GSDME: variants seen among roughly 807,000 people sequenced by gnomAD.
The protein encoded by GSDME is gasdermin E.
Under a neutral mutation model 47.5 loss-of-function variants are expected in GSDME, and 44 were observed. The ratio of observed to expected loss-of-function variants is 0.93; its 90% confidence interval spans 0.73 to 1.19. The LOEUF is 1.19. Ranked by LOEUF, GSDME falls within the 50% of genes most tolerant of loss-of-function variation. The probability of loss-of-function intolerance (pLI) is 0.00; values close to 1 mark genes in which losing one functional copy is unlikely to be tolerated. For missense variants in GSDME, 663 were observed against 604.2 expected, an observed-to-expected ratio of 1.10 and a Z score of -1.02; for synonymous variants, 258 against 252.8, an observed-to-expected ratio of 1.02 and a Z score of -0.20.
the GSDME span, among the ~76,000 whole-genome samples, chr7:24,782,203 C>A: frequency 6.7e-6 from 1 of 149,532 alleles, no homozygotes; most frequent in African/African-American, 2.5e-5. Context: ...TCTCCTAATG[C>A]TATCCCTCCC....
the GSDME span, among the ~76,000 whole-genome samples, chr7:24,778,538 T>C: frequency 6.6e-6 from 1 of 152,134 alleles, no homozygotes; most frequent in Non-Finnish European, 1.5e-5. This position sits in a 1 kb window ranked among gnomAD's most constrained non-coding sequence, Gnocchi z 5.6. Context: ...TTCCCAATAC[T>C]AGAATTGGGA....
the GSDME span, among the ~76,000 whole-genome samples, chr7:24,786,960 A>G: frequency 6.6e-6 from 1 of 152,098 alleles, no homozygotes; most frequent in African/African-American, 2.4e-5. This position sits in a 1 kb window ranked among gnomAD's most constrained non-coding sequence, Gnocchi z 5.5. Flanking sequence ...TTGTATTTGG[A>G]TGTGGTGGGG....
At position 24,732,574 on chromosome 7, in the gene GSDME, C is replaced by G. The variant is rs1171727483; in HGVS notation, c.404+11988G>C. Among the ~76,000 whole-genome samples, 4 of 152,186 alleles carry G rather than the reference C, an allele frequency of 2.6e-5. No individual in the cohort carries two copies. The highest frequency in any genetic ancestry group is 5.9e-5 in the Non-Finnish European group (4 of 68,020). On this transcript the variant is annotated intron_variant, in intron 3 of 9. Coordinates refer to ENST00000645220, the MANE Select transcript of GSDME (RefSeq NM_001127453.2). This position sits in a 1 kb window ranked among gnomAD's most constrained non-coding sequence, Gnocchi z 4.8. ...CTTGAATTGCCAACACCACCCCTCC[C>G]CTATCTCTGGGCAGCAGCCATGTGG...
chr7:24,701,106 CAAGAA>C (rs1788849636), intron 9 of GSDME, among the ~76,000 whole-genome samples: 1 of 152,194 alleles, frequency 6.6e-6, no homozygotes, highest in Non-Finnish European at 1.5e-5. Flanking sequence ...GGCTACTAGA[CAAGAA>C]AAGACAGGGC....
rs1028750894 is a variant in GSDME at position 24,754,453 on chromosome 7, C to G, written c.-20+2943G>C. On this transcript the variant is annotated intron_variant, in intron 1 of 9. Transcript: ENST00000645220. The surrounding 1 kb of genome is among the most constrained non-coding windows in gnomAD (Gnocchi z 5.0). Reference sequence around the variant, plus strand: ...TGAGCCAAGATCCTGCCATTGCACTCCAGCCTGGGCAACAAGAGCGAAACT... The same window carrying G: ...TGAGCCAAGATCCTGCCATTGCACTGCAGCCTGGGCAACAAGAGCGAAACT... Among the ~76,000 whole-genome samples, 1 of 151,098 alleles carries G rather than the reference C, an allele frequency of 6.6e-6. No individual in the cohort carries two copies. The highest frequency in any genetic ancestry group is 6.6e-5 in the Admixed American group (1 of 15,198).
At chr7:24,717,071 C>T (rs1789586526) in intron 5 of GSDME, 183 bp downstream of exon 5, 1 of 679,714 alleles carries the variant, frequency 1.5e-6, no homozygotes, top group African/African-American at 1.8e-5. Flanking sequence ...TCACCACACC[C>T]CTCCCCCAGT....
chr7:24,718,956 C>CTT (rs2128053533), intron 4 of GSDME, 91 bp downstream of exon 4: 2 of 1,416,286 alleles, frequency 1.4e-6, no homozygotes, highest in Admixed American at 1.7e-5. Context: ...GGAAAGAGTC[C>CTT]TGACTAATGA....
the GSDME span, among the ~76,000 whole-genome samples, chr7:24,795,102 G>A: frequency 6.6e-6 from 1 of 152,222 alleles, no homozygotes; most frequent in Non-Finnish European, 1.5e-5. Context: ...TGTTCCAGAT[G>A]TCTGGACTCC....
At chr7:24,769,395 G>A in the GSDME span, among the ~76,000 whole-genome samples, 4 of 152,172 alleles carry the variant, frequency 2.6e-5, no homozygotes, top group Non-Finnish European at 5.9e-5. Flanking sequence ...TTCTTGCAGC[G>A]GGAGGCGGGG....
chr7:24,749,714 C>T lies in GSDME; in HGVS notation c.61G>A (p.Ala21Thr), dbSNP rs2128065880. The T allele has an allele frequency of 6.2e-7, 1 of 1,614,104 alleles. No individual in the cohort carries two copies. Among genetic ancestry groups the T allele is most frequent in the East Asian group, 2.2e-5 (1 of 44,876 alleles). The change falls in exon 2 of 10, where the codon GCA becomes ACA. Residue 21 changes from alanine (A) to threonine (T), a missense_variant. Transcript: ENST00000645220. ...REVDADGDLI[A>T]VSNLNDSDKL... ...TCAGAGTCATTCAGATTTGATACTGCAATCAGGTCACCATCAGCATCAACT... is the reference window on the plus strand; with the variant it reads ...TCAGAGTCATTCAGATTTGATACTGTAATCAGGTCACCATCAGCATCAACT...
the GSDME span, among the ~76,000 whole-genome samples, chr7:24,778,893 A>T: frequency 6.6e-6 from 1 of 152,206 alleles, no homozygotes; most frequent in Non-Finnish European, 1.5e-5. The surrounding 1 kb of genome is among the most constrained non-coding windows in gnomAD (Gnocchi z 5.6). Context: ...AGGAGAAAAT[A>T]AATTTGGAGG....
At position 24,754,614 on chromosome 7, in the gene GSDME, C is replaced by T. The variant is rs930269314; in HGVS notation, c.-20+2782G>A. On this transcript the variant is annotated intron_variant, in intron 1 of 9. Coordinates refer to ENST00000645220, the MANE Select transcript of GSDME (RefSeq NM_001127453.2). The surrounding 1 kb of genome is among the most constrained non-coding windows in gnomAD (Gnocchi z 5.0). ...TCCTAGCTTGAGTCAGACTCTTGGA[C>T]AAGAGACCTTGTGGGGCAGACACCA... 2.0e-5 allele frequency among the ~76,000 whole-genome samples: 3 copies of T among 152,076 alleles called. No individual in the cohort carries two copies. The highest frequency in any genetic ancestry group is 7.2e-5 in the African/African-American group (3 of 41,406).
chr7:24,752,945 A>G (rs141133776), intron 1 of GSDME, among the ~76,000 whole-genome samples: 26 of 152,290 alleles, frequency 1.7e-4, no homozygotes, highest in Non-Finnish European at 3.5e-4. Context: ...CCTCCCCCAC[A>G]GGGATTAGAC....
chr7:24,738,323 G>A (rs1321865069), intron 3 of GSDME, among the ~76,000 whole-genome samples: 2 of 151,966 alleles, frequency 1.3e-5, no homozygotes, highest in South Asian at 2.1e-4. Context: ...CATGTCTATA[G>A]GGCAACAGAG....
At chr7:24,747,366 C>G (rs1257102275) in intron 2 of GSDME, among the ~76,000 whole-genome samples, 1 of 152,218 alleles carries the variant, frequency 6.6e-6, no homozygotes, top group Non-Finnish European at 1.5e-5. Flanking sequence ...TGAAGATTAT[C>G]TGTAAACTCA....
chr7:24,710,189 T>C, intron 6 of GSDME, 35 bp downstream of exon 6: 2 of 1,611,246 alleles, frequency 1.2e-6, no homozygotes, highest in South Asian at 2.2e-5. Flanking sequence ...CAGTTGGCCC[T>C]CAACTGCCCA....
intron 4 of GSDME, among the ~76,000 whole-genome samples, chr7:24,718,220 C>T (rs888802675): frequency 1.3e-5 from 2 of 152,246 alleles, no homozygotes; most frequent in Admixed American, 6.5e-5. Context: ...AGACCTCTAC[C>T]TCCAGCTCCT....
intron 8 of GSDME, 45 bp downstream of exon 8, chr7:24,706,139 T>A (rs1404250957): frequency 1.9e-6 from 3 of 1,609,948 alleles, no homozygotes; most frequent in Non-Finnish European, 1.7e-6. Flanking sequence ...GGCAAAGCAT[T>A]TTAAAGCAGC....
intron 4 of GSDME, among the ~76,000 whole-genome samples, chr7:24,718,331 AAG>A (rs1178929324): frequency 1.8e-4 from 28 of 152,260 alleles, no homozygotes; most frequent in African/African-American, 6.0e-4. Flanking sequence ...CTGGAGGAGA[AAG>A]AGTTTGGGGC....
Sources: gnomAD v4.1 joint callset for allele counts (sites outside exome capture counted in the v4.1 genomes callset) on GRCh38, gnomAD v4.1.1 for gene constraint, Gnocchi (gnomAD v3.1) non-coding constraint, MANE v1.5 for transcripts, NCBI Gene and HGNC (gene_info 2026-07-23, HGNC 2026-07-21) for gene names.